Variants in LRTM3 observed in about 807,000 individuals in gnomAD.
The protein encoded by LRTM3 is leucine rich repeat transmembrane protein 3.
At chr13:102,758,558 T>C in the LRTM3 span, 6 of 1,548,152 alleles carry the variant, frequency 3.9e-6, no homozygotes, top group Middle Eastern at 5.0e-4. Flanking sequence ...TTCCTGCTTT[T>C]GGGGCAACTG....
the LRTM3 span, chr13:102,744,383 C>A: frequency 9.7e-6 from 15 of 1,549,932 alleles, no homozygotes; most frequent in Non-Finnish European, 1.2e-5. Flanking sequence ...AGAACTATCC[C>A]ATTTCCTTCT....
chr13:102,751,376 C>T, the LRTM3 span, among the ~76,000 whole-genome samples: 1 of 140,112 alleles, frequency 7.1e-6, no homozygotes, highest in Non-Finnish European at 1.6e-5. Context: ...CACACACACA[C>T]ACACACACAC....
chr13:102,738,967 T>A, the LRTM3 span: 3 of 1,550,542 alleles, frequency 1.9e-6, no homozygotes, highest in Non-Finnish European at 2.6e-6. Context: ...GTTTTGCTTT[T>A]TCAATACTGC....
the LRTM3 span, chr13:102,741,603 G>C: frequency 6.5e-7 from 1 of 1,550,380 alleles, no homozygotes; most frequent in Non-Finnish European, 8.7e-7. Context: ...ATAGACCCCA[G>C]GTTTGTCATA....
At chr13:102,734,382 G>A in the LRTM3 span, 17 of 1,551,302 alleles carry the variant, frequency 1.1e-5, no homozygotes, top group Non-Finnish European at 1.5e-5. Context: ...TCCAGTTTAA[G>A]GTTAGATGGC....
chr13:102,745,671 T>C, the LRTM3 span: 6 of 1,550,772 alleles, frequency 3.9e-6, no homozygotes, highest in Admixed American at 1.2e-4. Context: ...GAACCAAAAA[T>C]CGCTGTCTCT....
the LRTM3 span, chr13:102,739,255 T>A: frequency 1.3e-6 from 2 of 1,550,308 alleles, no homozygotes; most frequent in Non-Finnish European, 1.7e-6. Context: ...ATTTCTTTCC[T>A]TTCAAAGTGA....
At chr13:102,736,463 C>A in the LRTM3 span, 1 of 1,551,114 alleles carries the variant, frequency 6.4e-7, no homozygotes, top group Non-Finnish European at 8.7e-7. Flanking sequence ...CTTTACAAGG[C>A]TCTCTGTTGG....
chr13:102,758,889 C>T, the LRTM3 span: 27 of 1,547,466 alleles, frequency 1.7e-5, no homozygotes, highest in Non-Finnish European at 2.4e-5. Context: ...ATCTTCCAGT[C>T]CACTCCCTAC....
chr13:102,745,634 T>G, the LRTM3 span: 1 of 1,551,104 alleles, frequency 6.4e-7, no homozygotes. Context: ...TCTCGTCGTT[T>G]TAGGTGTAGA....
At chr13:102,737,346 CTTCTT>C in the LRTM3 span, 1 of 1,550,726 alleles carries the variant, frequency 6.4e-7, no homozygotes, top group African/African-American at 1.4e-5. Context: ...TCTTCCTCTC[CTTCTT>C]TTCTTGTGTT....
the LRTM3 span, among the ~76,000 whole-genome samples, chr13:102,750,952 C>A: frequency 5.3e-5 from 8 of 152,178 alleles, no homozygotes. Flanking sequence ...TGATTAGTCT[C>A]AGTCTAAGAA....
At chr13:102,736,381 G>C in the LRTM3 span, 1 of 1,551,048 alleles carries the variant, frequency 6.4e-7, no homozygotes. Context: ...CGGCACCATT[G>C]GGGTGCATCA....
At chr13:102,746,273 G>T in the LRTM3 span, 2 of 1,550,962 alleles carry the variant, frequency 1.3e-6, no homozygotes, top group Non-Finnish European at 1.7e-6. Context: ...CAGCTGTGGC[G>T]CTGCTTCTAA....
the LRTM3 span, chr13:102,729,600 G>C: frequency 6.5e-7 from 1 of 1,538,722 alleles, no homozygotes; most frequent in South Asian, 1.2e-5. Flanking sequence ...ATAGTCCAGC[G>C]AATGGTTTTG....
chr13:102,741,459 C>A, the LRTM3 span: 6 of 1,549,874 alleles, frequency 3.9e-6, no homozygotes, highest in African/African-American at 5.5e-5. Flanking sequence ...TTAGAACCTA[C>A]AAATATATCA....
the LRTM3 span, chr13:102,744,142 T>C: frequency 1.5e-5 from 24 of 1,550,714 alleles, no homozygotes; most frequent in Non-Finnish European, 2.0e-5. Context: ...TAAAACGGTG[T>C]TGCTTTTTCT....
chr13:102,734,874 C>T, the LRTM3 span: 14 of 1,551,040 alleles, frequency 9.0e-6, no homozygotes, highest in Admixed American at 1.2e-4. Flanking sequence ...ACTATTTGCA[C>T]GTCATCCTCT....
chr13:102,751,331 C>G, the LRTM3 span, among the ~76,000 whole-genome samples: 1 of 141,352 alleles, frequency 7.1e-6, no homozygotes, highest in Non-Finnish European at 1.5e-5. Context: ...CTGTCTTACT[C>G]TCTCTCTTTA....
Sources: allele counts gnomAD v4.1 joint callset (sites outside exome capture counted in the v4.1 genomes callset), GRCh38; gene constraint gnomAD v4.1.1; transcripts MANE v1.5; gene names NCBI Gene and HGNC (gene_info 2026-07-23, HGNC 2026-07-21).